The following ELAVL4 variants were observed in gnomAD, a reference collection of about 807,000 sequenced individuals.
The protein encoded by ELAVL4 is ELAV like RNA binding protein 4.
Under a neutral mutation model 35.6 loss-of-function variants are expected in ELAVL4, and 1 was observed. That is an observed-to-expected ratio of 0.03 (90% CI 0.01 to 0.13). The LOEUF (loss-of-function observed/expected upper bound fraction) is 0.13, where lower values mean the gene tolerates loss of function less well. Among genes scored for constraint, ELAVL4 ranks in the 10% least tolerant of loss-of-function variants. ELAVL4 has a pLI of 1.00. For missense variants in ELAVL4, 267 were observed against 464.9 expected, an observed-to-expected ratio of 0.57 and a Z score of 3.91; for synonymous variants, 156 against 171.0, an observed-to-expected ratio of 0.91 and a Z score of 0.69.
chr1:50,133,147 C>T (rs1205012311), intron 1 of ELAVL4, among the ~76,000 whole-genome samples: 1 of 152,130 alleles, frequency 6.6e-6, no homozygotes, highest in Non-Finnish European at 1.5e-5. Flanking sequence ...CTTAATATAA[C>T]TCATTGTATG....
At chr1:50,048,782 G>C (rs1212310905) in intron 1 of ELAVL4, among the ~76,000 whole-genome samples, 1 of 152,172 alleles carries the variant, frequency 6.6e-6, no homozygotes, top group Non-Finnish European at 1.5e-5. Context: ...GACGAGATTG[G>C]GAAGGCGCGT....
intron 1 of ELAVL4, among the ~76,000 whole-genome samples, chr1:50,127,837 C>T (rs1670203172): frequency 6.6e-6 from 1 of 152,074 alleles, no homozygotes. Context: ...AACTATTATG[C>T]TATGCAATTA....
chr1:50,196,345 T>A (rs936633892), intron 5 of ELAVL4, among the ~76,000 whole-genome samples: 2 of 152,144 alleles, frequency 1.3e-5, no homozygotes, highest in Admixed American at 6.5e-5. Flanking sequence ...TTCCTTCAAG[T>A]ACCCAACCCC....
At chr1:50,188,453 C>T (rs575020926) in intron 3 of ELAVL4, among the ~76,000 whole-genome samples, 8 of 152,306 alleles carry the variant, frequency 5.3e-5, no homozygotes, top group Admixed American at 2.0e-4. Context: ...CAACAAATGG[C>T]GTTGCTGTTT....
intron 6 of ELAVL4, 90 bp from the exon 7 acceptor site, chr1:50,200,761 C>G: frequency 1.3e-6 from 2 of 1,552,178 alleles, no homozygotes; most frequent in East Asian, 2.3e-5. Context: ...TCACTCAGCC[C>G]TCTGCCCCAT....
intron 1 of ELAVL4, among the ~76,000 whole-genome samples, chr1:50,091,814 G>C (rs1665508351): frequency 1.3e-5 from 2 of 152,194 alleles, no homozygotes; most frequent in Non-Finnish European, 2.9e-5. Flanking sequence ...ATTGTAGTGT[G>C]AGGTAGGGAT....
intron 1 of ELAVL4, chr1:50,109,793 CGGCTT>C: frequency 1.1e-6 from 1 of 872,938 alleles, no homozygotes; most frequent in South Asian, 1.6e-5. Flanking sequence ...AAAGAGGAGG[CGGCTT>C]GTATGTGTAG....
At chr1:50,113,318 G>A (rs898354741) in intron 1 of ELAVL4, among the ~76,000 whole-genome samples, 1 of 151,728 alleles carries the variant, frequency 6.6e-6, no homozygotes, top group Non-Finnish European at 1.5e-5. Context: ...TCTTCCATGA[G>A]GAGATATGCT....
intron 1 of ELAVL4, among the ~76,000 whole-genome samples, chr1:50,133,820 T>C (rs1671439554): frequency 6.6e-6 from 1 of 152,184 alleles, no homozygotes; most frequent in Admixed American, 6.5e-5. Context: ...TCCATGAGTA[T>C]AATTTATCAC....
At chr1:50,067,073 G>C (rs142858228) in intron 1 of ELAVL4, among the ~76,000 whole-genome samples, 1 of 152,108 alleles carries the variant, frequency 6.6e-6, no homozygotes, top group Non-Finnish European at 1.5e-5. Context: ...CTCTGGGAGA[G>C]TGCATGTTTT....
intron 3 of ELAVL4, among the ~76,000 whole-genome samples, chr1:50,186,929 C>T (rs573569605): frequency 5.9e-5 from 9 of 152,234 alleles, no homozygotes; most frequent in Non-Finnish European, 1.2e-4. Flanking sequence ...AACAGGCCTA[C>T]AGCCACAGGC....
chr1:50,141,311 A>G (rs912248922), intron 1 of ELAVL4, among the ~76,000 whole-genome samples: 1 of 152,208 alleles, frequency 6.6e-6, no homozygotes, highest in African/African-American at 2.4e-5. Context: ...AACCTGAAAA[A>G]GGTAGAAAAC....
chr1:50,175,334 T>A (rs547451847), intron 2 of ELAVL4: 3 of 152,060 alleles, frequency 2.0e-5, no homozygotes, highest in African/African-American at 7.2e-5. Flanking sequence ...ATGAAATTTC[T>A]GGGAACATAT....
chr1:50,158,730 G>T lies in ELAVL4; in HGVS notation c.250+13533G>T, dbSNP rs559602892. On this transcript the variant is annotated intron_variant, in intron 2 of 6. Coordinates refer to ENST00000371824, the MANE Select transcript of ELAVL4 (RefSeq NM_001144774.3). ...AAGCCAAATCATAGACTGTCACAGT[G>T]AAAAGAGACCTTAAAAGTACTCCAT... Among the ~76,000 whole-genome samples the T allele has an allele frequency of 1.4e-4, 21 of 152,256 alleles. No homozygotes were observed. In the East Asian group the frequency reaches 3.9e-3, roughly 28 times the overall value.
intron 1 of ELAVL4, among the ~76,000 whole-genome samples, chr1:50,098,170 C>A (rs1665797011): frequency 6.6e-6 from 1 of 152,090 alleles, no homozygotes. Flanking sequence ...TCCCACTGTC[C>A]ATTTTATGGA....
chr1:50,054,568 C>T (rs1475219170), intron 1 of ELAVL4, among the ~76,000 whole-genome samples: 1 of 151,628 alleles, frequency 6.6e-6, no homozygotes, highest in East Asian at 1.9e-4. Flanking sequence ...TGGTATTATT[C>T]TTTTTTGTTT....
chr1:50,169,636 G>T (rs1205191693), intron 2 of ELAVL4, among the ~76,000 whole-genome samples: 2 of 152,128 alleles, frequency 1.3e-5, no homozygotes, highest in Non-Finnish European at 2.9e-5. Flanking sequence ...CATAACACAT[G>T]CTCACTAAAT....
chr1:50,149,804 C>T (rs902444349), intron 2 of ELAVL4, among the ~76,000 whole-genome samples: 1 of 152,022 alleles, frequency 6.6e-6, no homozygotes, highest in Non-Finnish European at 1.5e-5. Context: ...GGCCTCCCAA[C>T]GTGCTGGGAT....
At chr1:50,141,516 A>T (rs1298712910) in intron 1 of ELAVL4, among the ~76,000 whole-genome samples, 1 of 152,156 alleles carries the variant, frequency 6.6e-6, no homozygotes, top group Non-Finnish European at 1.5e-5. Flanking sequence ...CACTGCAAAG[A>T]CCCAGAAGGC....
Sources: gnomAD v4.1 joint callset for allele counts (sites outside exome capture counted in the v4.1 genomes callset) on GRCh38, gnomAD v4.1.1 for gene constraint, MANE v1.5 for transcripts, NCBI Gene and HGNC (gene_info 2026-07-23, HGNC 2026-07-21) for gene names.